Variants in ROBO2 observed in about 807,000 individuals in gnomAD.
ROBO2 encodes roundabout homolog 2.
ROBO2 carries 53 observed loss-of-function variants against 160.8 expected under a neutral mutation model. The ratio of observed to expected loss-of-function variants is 0.33; its 90% CI spans 0.26 to 0.41. ROBO2 has a LOEUF of 0.41. ROBO2 is among the 10% of genes least tolerant of loss of function. The pLI, the probability that ROBO2 is intolerant of heterozygous loss-of-function variation, is 1.00. For synonymous variants in ROBO2, 664 were observed against 611.7 expected (o/e 1.09, Z -1.26); for missense variants, 1,577 against 1,722.4 (o/e 0.92, Z 1.49).
intron 2 of ROBO2, among the ~76,000 whole-genome samples, chr3:77,450,839 G>A (rs1239363734): frequency 2.0e-5 from 3 of 151,912 alleles, no homozygotes; most frequent in Non-Finnish European, 4.4e-5. Flanking sequence ...GATAATTGAC[G>A]GTATTCAAGC....
intron 2 of ROBO2, among the ~76,000 whole-genome samples, chr3:76,883,881 T>C (rs1559648743): frequency 6.6e-6 from 1 of 152,156 alleles, no homozygotes; most frequent in Non-Finnish European, 1.5e-5. Context: ...AAGTTGAAGC[T>C]ATATTCATGC....
intron 2 of ROBO2, among the ~76,000 whole-genome samples, chr3:76,556,863 C>T (rs2083825909): frequency 1.3e-5 from 2 of 152,128 alleles, no homozygotes; most frequent in African/African-American, 4.8e-5. Context: ...ACCAACCCAA[C>T]ATACCTCCCA....
At chr3:76,747,649 G>T (rs1338108896) in intron 2 of ROBO2, among the ~76,000 whole-genome samples, 1 of 151,384 alleles carries the variant, frequency 6.6e-6, no homozygotes, top group Non-Finnish European at 1.5e-5. Context: ...TATTTCTTTG[G>T]TTTTTTTAAT....
chr3:76,959,136 T>G (rs2079478995), intron 2 of ROBO2, among the ~76,000 whole-genome samples: 1 of 152,224 alleles, frequency 6.6e-6, no homozygotes. Flanking sequence ...CACCCAAGGC[T>G]GAGCTTGCTT....
At chr3:77,613,843 T>G (rs1376253154) in intron 21 of ROBO2, among the ~76,000 whole-genome samples, 1 of 152,118 alleles carries the variant, frequency 6.6e-6, no homozygotes, top group Non-Finnish European at 1.5e-5. Context: ...GGAAATGACA[T>G]AAGACTGCAT....
intron 1 of ROBO2, among the ~76,000 whole-genome samples, chr3:77,057,569 ATTTTTT>A (rs71104648): frequency 2.8e-5 from 3 of 105,266 alleles, no homozygotes; most frequent in African/African-American, 3.7e-5. Flanking sequence ...ATTCCAGAGG[ATTTTTT>A]TTTTTTTTTT....
Position 76,099,713 on chromosome 3 carries a change from TA to T in ROBO2, c.109+162118del, listed in dbSNP as rs903427395. ...CTGCAAAATTTCTGATTTTTTTCTC[TA>T]AAAAAATTTTCACTTATTAAAATGT... On this transcript the variant is annotated intron_variant, in intron 2 of 26. Transcript: ENST00000487694. 2.3e-4 allele frequency among the ~76,000 whole-genome samples: 35 copies of T among 152,246 alleles called. No homozygotes were observed. In the Middle Eastern group the frequency reaches 0.01, roughly 44 times the overall value.
intron 2 of ROBO2, among the ~76,000 whole-genome samples, chr3:76,027,314 C>A (rs1245967957): frequency 6.6e-6 from 1 of 151,788 alleles, no homozygotes; most frequent in Non-Finnish European, 1.5e-5. Context: ...GTCACCTGCC[C>A]CCATTTTACA....
At chr3:76,694,500 C>G (rs560671632) in intron 2 of ROBO2, among the ~76,000 whole-genome samples, 1 of 152,106 alleles carries the variant, frequency 6.6e-6, no homozygotes, top group Admixed American at 6.6e-5. Context: ...AATCAGAAAG[C>G]CACACAAAGT....
intron 8 of ROBO2, among the ~76,000 whole-genome samples, chr3:77,557,129 C>T (rs1523757): frequency 0.56 from 84,436 of 151,196 alleles, 23,582 homozygotes; most frequent in Middle Eastern, 0.68. Flanking sequence ...ATTGTACTAC[C>T]GAAATGCTAC....
At chr3:76,317,777 T>C (rs998162269) in intron 2 of ROBO2, among the ~76,000 whole-genome samples, 1 of 152,090 alleles carries the variant, frequency 6.6e-6, no homozygotes, top group African/African-American at 2.4e-5. Flanking sequence ...GCAACTATAC[T>C]AAGATCTGTT....
At chr3:76,993,089 A>G in intron 2 of ROBO2, among the ~76,000 whole-genome samples, 1 of 152,168 alleles carries the variant, frequency 6.6e-6, no homozygotes, top group South Asian at 2.1e-4. Context: ...AAGTGCTGGG[A>G]TAACAGGCAT....
chr3:76,377,640 A>G (rs994457362), intron 2 of ROBO2, among the ~76,000 whole-genome samples: 2 of 152,060 alleles, frequency 1.3e-5, no homozygotes, highest in South Asian at 2.1e-4. Context: ...TGCTCTCCCT[A>G]TGTGAGAAAA....
chr3:76,363,851 C>A (rs1008296134), intron 2 of ROBO2, among the ~76,000 whole-genome samples: 1 of 151,636 alleles, frequency 6.6e-6, no homozygotes, highest in African/African-American at 2.4e-5. Context: ...TTATCCAACA[C>A]TCTCTTTAAA....
At chr3:77,564,214 A>T (rs1197436200) in intron 11 of ROBO2, among the ~76,000 whole-genome samples, 2 of 152,104 alleles carry the variant, frequency 1.3e-5, no homozygotes, top group Non-Finnish European at 2.9e-5. Flanking sequence ...AAATAAACTG[A>T]CCACCCTGAA....
chr3:76,386,099 TAAC>T (rs1170554716), intron 2 of ROBO2, among the ~76,000 whole-genome samples: 9 of 152,192 alleles, frequency 5.9e-5, no homozygotes, highest in African/African-American at 2.2e-4. Flanking sequence ...GTAAAAGCTA[TAAC>T]AACTGAAGTC....
At chr3:77,500,081 A>G (rs975307980) in intron 5 of ROBO2, among the ~76,000 whole-genome samples, 3 of 152,110 alleles carry the variant, frequency 2.0e-5, no homozygotes, top group Non-Finnish European at 4.4e-5. Context: ...GCAATCAGTC[A>G]CCTGGGTTGA....
At chr3:76,027,562 A>C (rs2066785675) in intron 2 of ROBO2, among the ~76,000 whole-genome samples, 1 of 151,914 alleles carries the variant, frequency 6.6e-6, no homozygotes, top group African/African-American at 2.4e-5. Flanking sequence ...TAATATCATA[A>C]ATAATCAAGT....
chr3:76,970,283 A>G (rs902663062), intron 2 of ROBO2, among the ~76,000 whole-genome samples: 3 of 152,170 alleles, frequency 2.0e-5, no homozygotes, highest in Non-Finnish European at 2.9e-5. Flanking sequence ...ACTTTCGGGA[A>G]AGGAGATTTT....
Sources: gnomAD v4.1 joint callset for allele counts (sites outside exome capture counted in the v4.1 genomes callset) on GRCh38, gnomAD v4.1.1 for gene constraint, MANE v1.5 for transcripts, NCBI Gene and HGNC (gene_info 2026-07-23, HGNC 2026-07-21) for gene names.